NFXL1: variants seen among roughly 807,000 people sequenced by gnomAD.
NFXL1 encodes NF-X1-type zinc finger protein NFXL1.
Under a neutral mutation model 123.3 loss-of-function variants are expected in NFXL1, and 66 were observed. The ratio of observed to expected loss-of-function variants is 0.54; its 90% confidence interval spans 0.44 to 0.66. The LOEUF (loss-of-function observed/expected upper bound fraction) is 0.66, where lower values mean the gene tolerates loss of function less well. Among genes scored for constraint, NFXL1 ranks in the 30% least tolerant of loss-of-function variants. The pLI is 0.00. For synonymous variants in NFXL1, 346 were observed against 360.8 expected (o/e 0.96, Z 0.46); for missense variants, 944 against 1,125.6 (o/e 0.84, Z 2.31).
chr4:47,899,540 C>T lies in NFXL1; in HGVS notation c.656G>A (p.Cys219Tyr), dbSNP rs919449118. The T allele has an allele frequency of 1.9e-6, 3 of 1,606,132 alleles. No homozygotes were observed. Among genetic ancestry groups the T allele is most frequent in the Non-Finnish European group, 2.6e-6 (3 of 1,174,072 alleles). Residue 219 changes from cysteine to tyrosine, a missense_variant, in exon 6 of 23, where the codon TGT becomes TAT. Physicochemically the swap from Cys to Tyr is radical, Grantham distance 194 (BLOSUM62 -2). Transcript: ENST00000507489. ...KKDCPWPCPK[C>Y]RFEYKRSETP... ...TTCAGATCGTTTGTATTCAAACCTACATTTTGGACTACAAAGAAGAAGAAA... is the reference window on the plus strand; with the variant it reads ...TTCAGATCGTTTGTATTCAAACCTATATTTTGGACTACAAAGAAGAAGAAA...
At chr4:47,860,608 C>A (rs141361476) in intron 19 of NFXL1, among the ~76,000 whole-genome samples, 4 of 152,316 alleles carry the variant, frequency 2.6e-5, no homozygotes, top group African/African-American at 9.6e-5. Context: ...CTGTAACAAT[C>A]TACAGTATGG....
rs564462843 is a variant in NFXL1 at position 47,859,820 on chromosome 4, C to A, written c.2316+3026G>T. Among the ~76,000 whole-genome samples the A allele has an allele frequency of 1.5e-4, 17 of 110,510 alleles. No individual in the cohort carries two copies. The South Asian group carries it at 4.3e-3, about 28-fold the overall frequency. The allele number at this position is 110,510 out of a possible 152,430, so 72.5% of individuals were successfully genotyped here. On this transcript the variant is annotated intron_variant, in intron 19 of 22. Transcript: ENST00000507489. ...TTGCGCCACCGTACTCCAACCCAGGCAACAGAGTGAGACTCCATCTCAAAA... is the reference window on the plus strand; with the variant it reads ...TTGCGCCACCGTACTCCAACCCAGGAAACAGAGTGAGACTCCATCTCAAAA...
chr4:47,893,651 A>T (rs1182215869), intron 11 of NFXL1, among the ~76,000 whole-genome samples: 1 of 152,100 alleles, frequency 6.6e-6, no homozygotes, highest in Non-Finnish European at 1.5e-5. Context: ...CAAAGTTGAA[A>T]GAATTCATGG....
intron 17 of NFXL1, among the ~76,000 whole-genome samples, chr4:47,878,185 CAG>C (rs113716351): frequency 0.03 from 4,536 of 152,044 alleles, 248 homozygotes; most frequent in African/African-American, 0.1. Context: ...CAGATATGAA[CAG>C]AGAGAAATGG....
chr4:47,884,364 C>A lies in NFXL1; in HGVS notation c.1898G>T (p.Cys633Phe). The A allele has an allele frequency of 6.3e-7, 1 of 1,594,536 alleles. No individual in the cohort carries two copies. Among genetic ancestry groups the A allele is most frequent in the Non-Finnish European group, 8.6e-7 (1 of 1,165,246 alleles). Residue 633 changes from cysteine to phenylalanine, a missense_variant, in exon 15 of 23, where the codon TGT becomes TTT. Coordinates refer to ENST00000507489, the MANE Select transcript of NFXL1 (RefSeq NM_001278624.2). The stretch of plus-strand genomic sequence containing the variant: ...TACTTACATAGGAATAGGAACTTGA[C>A]ATGGAGGACACGGTAATGCAGTCTG... ...FIQTALPCPP[C>F]QVPIPMECLG...
Position 47,910,816 on chromosome 4 carries a change from A to C in NFXL1, c.406+8T>G. On this transcript the variant is annotated splice_region_variant and intron_variant, in intron 3 of 22. Transcript: ENST00000507489. ...GACGTCAAAAGTCAAAATTTAAAAG[A>C]TCAGTACCTGTCTGAGTAGTGTATG... The C allele has an allele frequency of 6.6e-7, 1 of 1,521,834 alleles. No homozygotes were observed. Among genetic ancestry groups the C allele is most frequent in the Non-Finnish European group, 8.8e-7 (1 of 1,135,560 alleles). The allele number at this position is 1,521,834 out of a possible 1,614,324, so 94.3% of individuals were successfully genotyped here.
intron 4 of NFXL1, among the ~76,000 whole-genome samples, 174 bp from the exon 5 acceptor site, chr4:47,903,497 G>A (rs1021331309): frequency 2.0e-5 from 3 of 152,136 alleles, no homozygotes; most frequent in African/African-American, 7.2e-5. Flanking sequence ...GCATTTAAAT[G>A]TAGGATACTT....
Position 47,878,597 on chromosome 4 carries a change from A to G in NFXL1, c.2007T>C (p.Asp669=), listed in dbSNP as rs1339452776. 6.2e-7 allele frequency: 1 copy of G among 1,608,464 alleles called. No homozygotes were observed. Among genetic ancestry groups the G allele is most frequent in the Non-Finnish European group, 8.5e-7 (1 of 1,177,000 alleles). ...CTTTCATACATGTGTGATTCTGACA[A>G]TCCAAGATTCTTCCACAAACTCTTT... ...SCKRVCGRIL[D]CQNHTCMKEC... Residue 669 remains aspartate (D), a synonymous_variant, in exon 17 of 23, where the codon GAT becomes GAC. Transcript: ENST00000507489.
chr4:47,859,401 A>G (rs1260852570), intron 19 of NFXL1, among the ~76,000 whole-genome samples: 1 of 152,214 alleles, frequency 6.6e-6, no homozygotes. Context: ...ACCTCATATA[A>G]TACTCAGCAC....
At chr4:47,864,438 A>T (rs1734939348) in intron 18 of NFXL1, among the ~76,000 whole-genome samples, 1 of 152,100 alleles carries the variant, frequency 6.6e-6, no homozygotes. Flanking sequence ...AAATTCTCTG[A>T]CCTACCTTGT....
At chr4:47,912,478 G>A (rs913209372) in intron 2 of NFXL1, among the ~76,000 whole-genome samples, 117 of 72,750 alleles carry the variant, frequency 1.6e-3, no homozygotes, top group Non-Finnish European at 2.8e-3. Flanking sequence ...TTTTTTTTTT[G>A]AGACGGAGTC....
At chr4:47,877,020 T>C (rs892753077) in intron 17 of NFXL1, 2 of 1,225,726 alleles carry the variant, frequency 1.6e-6, no homozygotes, top group African/African-American at 3.1e-5. Flanking sequence ...ACCTAAAGAG[T>C]TTATTTCATT....
intron 19 of NFXL1, among the ~76,000 whole-genome samples, chr4:47,859,358 G>A (rs116165810): frequency 1.1e-3 from 162 of 152,148 alleles, no homozygotes; most frequent in African/African-American, 3.5e-3. Context: ...CATATATAGC[G>A]CTTACCATTA....
At chr4:47,907,793 T>A (rs1737629986) in intron 3 of NFXL1, among the ~76,000 whole-genome samples, 1 of 152,226 alleles carries the variant, frequency 6.6e-6, no homozygotes, top group South Asian at 2.1e-4. Flanking sequence ...TTATTGCATT[T>A]TCTATTTTAA....
chr4:47,899,281 T>C, intron 6 of NFXL1, 89 bp downstream of exon 6: 1 of 1,342,696 alleles, frequency 7.4e-7, no homozygotes, highest in South Asian at 1.5e-5. Flanking sequence ...AACTAAACTG[T>C]GAATTCAACT....
intron 22 of NFXL1, among the ~76,000 whole-genome samples, chr4:47,850,112 A>G (rs1357849720): frequency 3.9e-5 from 6 of 152,090 alleles, no homozygotes; most frequent in Non-Finnish European, 8.8e-5. Context: ...TGATTTATAA[A>G]AAGATAGCAA....
In NFXL1 at chr4:47,914,164, G is replaced by C. The variant is rs764826718; in HGVS notation, c.40C>G (p.Arg14Gly). The C allele has an allele frequency of 6.5e-6, 10 of 1,537,934 alleles. No individual in the cohort carries two copies. The highest frequency in any genetic ancestry group is 4.8e-5 in the South Asian group (4 of 83,998). The change falls in exon 2 of 23, where the codon CGA becomes GGA. Residue 14 changes from arginine to glycine, a missense_variant. Around this residue, in one of 4 missense-constraint regions of NFXL1, gnomAD observed 303 missense variants for 292.1 expected, o/e 1.04. Transcript: ENST00000507489. The part of the protein sequence containing the change: ...SWRQVAGGRG[R>G]SRGRATAAPS... Reference sequence around the variant, plus strand: ...GCGGCAGTGGCCCGTCCCCGGGATCGGCCTCGGCCACCGGCCACCTGGCGC... The same window carrying C: ...GCGGCAGTGGCCCGTCCCCGGGATCCGCCTCGGCCACCGGCCACCTGGCGC...
intron 17 of NFXL1, among the ~76,000 whole-genome samples, chr4:47,876,190 G>A (rs1480420096): frequency 1.3e-5 from 2 of 152,048 alleles, no homozygotes; most frequent in East Asian, 1.9e-4. Flanking sequence ...AAAAACATGT[G>A]CCAGGCATTG....
intron 2 of NFXL1, among the ~76,000 whole-genome samples, chr4:47,912,802 G>A (rs1397106883): frequency 7.3e-6 from 1 of 136,222 alleles, no homozygotes; most frequent in Non-Finnish European, 1.6e-5. Context: ...GACCATCCTG[G>A]CTAACACGGT....
Sources: allele counts gnomAD v4.1 joint callset (sites outside exome capture counted in the v4.1 genomes callset), GRCh38; gene constraint gnomAD v4.1.1; regional missense constraint gnomAD v4.1.1; transcripts MANE v1.5; gene names NCBI Gene and HGNC (gene_info 2026-07-23, HGNC 2026-07-21).